The following OAS2 variants were observed in gnomAD, a reference collection of about 807,000 sequenced individuals.
OAS2 encodes the protein 2'-5'-oligoadenylate synthase 2.
Under a neutral mutation model 71.3 loss-of-function variants are expected in OAS2, and 67 were observed. The ratio of observed to expected loss-of-function variants is 0.94; its 90% CI spans 0.77 to 1.15. The LOEUF (loss-of-function observed/expected upper bound fraction) is 1.15, where lower values mean the gene tolerates loss of function less well. OAS2 is among the 50% of genes most tolerant of loss of function. The pLI is 0.00. For missense variants in OAS2, 789 were observed against 822.5 expected, an observed-to-expected ratio of 0.96 and a Z score of 0.50; for synonymous variants, 327 against 321.8, an observed-to-expected ratio of 1.02 and a Z score of -0.17.
chr12:113,000,375 A>G (rs916871060), intron 5 of OAS2, among the ~76,000 whole-genome samples: 1 of 152,146 alleles, frequency 6.6e-6, no homozygotes, highest in Non-Finnish European at 1.5e-5. Flanking sequence ...ATCAACTTCT[A>G]TTTTGAGAAC....
At position 112,997,525 on chromosome 12, in the gene OAS2, G is replaced by T; in HGVS notation, c.633G>T (p.Gln211His). ...LLIKHWHQQC[Q>H]KKIKDLPSLS... ...ACCCTTTCCTTATCCCACAGTGCCA[G>T]AAAAAAATCAAGGATTTACCCTCGC... The change falls in exon 4 of 10, where the codon CAG (glutamine) becomes CAT (histidine). Residue 211 changes from glutamine (Q) to histidine (H), a missense_variant. Gln to His is a conservative substitution (Grantham distance 24). Coordinates refer to ENST00000392583, the MANE Select transcript of OAS2 (RefSeq NM_002535.3). 6.2e-7 allele frequency: 1 copy of T among 1,613,338 alleles called. No homozygotes were observed. The highest frequency in any genetic ancestry group is 1.1e-5 in the South Asian group (1 of 90,936).
intron 2 of OAS2, among the ~76,000 whole-genome samples, chr12:112,994,108 C>T (rs1277666680): frequency 6.6e-6 from 1 of 152,120 alleles, no homozygotes; most frequent in Non-Finnish European, 1.5e-5. Flanking sequence ...AGAACTGAAA[C>T]TCACCAGTCA....
In OAS2 at chr12:113,009,078, C is replaced by T. The variant is rs778456308; in HGVS notation, c.1896-9C>T. 86 of 1,611,828 alleles carry T rather than the reference C, an allele frequency of 5.3e-5. No individual in the cohort carries two copies. Among genetic ancestry groups the T allele is most frequent in the Non-Finnish European group, 6.9e-5 (81 of 1,179,480 alleles). On this transcript the variant is annotated splice_polypyrimidine_tract_variant and intron_variant, in intron 9 of 9. Coordinates refer to ENST00000392583, the MANE Select transcript of OAS2 (RefSeq NM_002535.3). The stretch of plus-strand genomic sequence containing the variant: ...GGAATCTCCTAATGCCTTCTAACCT[C>T]TCATTCAGGCCTGTGATCTTGGACC...
chr12:112,981,916 A>G (rs111860351), intron 1 of OAS2, among the ~76,000 whole-genome samples: 3 of 152,294 alleles, frequency 2.0e-5, no homozygotes, highest in African/African-American at 7.2e-5. Context: ...TTTTCACTGT[A>G]GAGATCTTTC....
chr12:112,989,675 A>T (rs1031022013), intron 2 of OAS2, among the ~76,000 whole-genome samples: 2 of 152,198 alleles, frequency 1.3e-5, no homozygotes, highest in Non-Finnish European at 2.9e-5. Context: ...ATCAGACAAG[A>T]GCCTGTTCTA....
At chr12:113,005,918 C>CAACAACAACAAAAA (rs1555229554) in intron 7 of OAS2, among the ~76,000 whole-genome samples, 1 of 49,046 alleles carries the variant, frequency 2.0e-5, no homozygotes, top group Non-Finnish European at 3.5e-5. Flanking sequence ...ACAACAACAA[C>CAACAACAACAAAAA]AAAAAAAAAA....
At chr12:112,988,189 C>T in intron 2 of OAS2, 2 of 985,382 alleles carry the variant, frequency 2.0e-6, no homozygotes, top group Non-Finnish European at 2.4e-6. Context: ...CATTAATGAG[C>T]AGGTTTAGGT....
At chr12:113,008,990 C>T (rs755802541) in intron 9 of OAS2, 97 bp from the exon 10 acceptor site, 53 of 1,522,256 alleles carry the variant, frequency 3.5e-5, no homozygotes, top group Non-Finnish European at 4.6e-5. Flanking sequence ...GCTGTAAGAA[C>T]ACATTGTCTT....
At position 113,005,059 on chromosome 12, in the gene OAS2, C is replaced by A. The variant is rs1310725602; in HGVS notation, c.1305C>A (p.Ile435=). The change falls in exon 7 of 10, where the codon ATC becomes ATA. Residue 435 remains isoleucine, a synonymous_variant. Transcript: ENST00000392583. ...AGCGGCACAAAATCGTCAAGGAAAT[C>A]CATGAACAGCTGAAAGCCTTTTGGA... ...KNERHKIVKE[I]HEQLKAFWRE... 1 of 1,614,144 alleles carries A rather than the reference C, an allele frequency of 6.2e-7. No homozygotes were observed. Among genetic ancestry groups the A allele is most frequent in the South Asian group, 1.1e-5 (1 of 91,070 alleles).
At chr12:112,997,259 G>A (rs1001201846) in intron 3 of OAS2, among the ~76,000 whole-genome samples, 2 of 151,910 alleles carry the variant, frequency 1.3e-5, no homozygotes, top group Admixed American at 6.6e-5. Context: ...AATTTCCCTC[G>A]AAAGAACTCC....
chr12:112,986,465 G>A (rs1956919732), intron 1 of OAS2, among the ~76,000 whole-genome samples: 1 of 152,130 alleles, frequency 6.6e-6, no homozygotes, highest in South Asian at 2.1e-4. Context: ...TGGCAAGCTG[G>A]GTAGGCTGGT....
chr12:112,978,763 C>G lies in OAS2; in HGVS notation c.155C>G (p.Pro52Arg), dbSNP rs749303898. 1.9e-6 allele frequency: 3 copies of G among 1,613,858 alleles called. No homozygotes were observed. The highest frequency in any genetic ancestry group is 3.3e-5 in the Admixed American group (2 of 59,988). Residue 52 changes from proline (P) to arginine (R), a missense_variant, in exon 1 of 10, where the codon CCC becomes CGC. Transcript: ENST00000392583. The surrounding 1 kb of genome is among the most constrained non-coding windows in gnomAD (Gnocchi z 4.2). ...GTCCTGCAGGAACCCGAACAGTTCC[C>G]CCTGGTGCAGGGAGTGGCCATAGTG... ...CDVLQEPEQF[P>R]LVQGVAIGGS...
In OAS2 at chr12:112,987,053, C is replaced by T. The variant is rs150169230; in HGVS notation, c.193C>T (p.Arg65Trp). The T allele has an allele frequency of 1.9e-4, 301 of 1,611,006 alleles. 1 individual carries two copies. Among genetic ancestry groups the T allele is most frequent in the South Asian group, 1.5e-3 (136 of 90,930 alleles). ...TCACTGGCAGGGTGGCTCCTATGGA[C>T]GGAAAACAGTCTTAAGAGGCAACTC... ...QGVAIGGSYG[R>W]KTVLRGNSDG... Residue 65 changes from arginine to tryptophan, a missense_variant, in exon 2 of 10, where the codon CGG becomes TGG. Coordinates refer to ENST00000392583, the MANE Select transcript of OAS2 (RefSeq NM_002535.3).
chr12:112,998,945 G>A (rs1301500978), intron 5 of OAS2, among the ~76,000 whole-genome samples: 2 of 152,184 alleles, frequency 1.3e-5, no homozygotes, highest in Admixed American at 1.3e-4. Flanking sequence ...GGGAGACACA[G>A]TTCAACCCAT....
At chr12:112,979,787 C>G (rs2136373137) in intron 1 of OAS2, among the ~76,000 whole-genome samples, 1 of 152,278 alleles carries the variant, frequency 6.6e-6, no homozygotes, top group East Asian at 1.9e-4. Context: ...CCTCCAAACC[C>G]AGGTAGGCAA....
intron 1 of OAS2, among the ~76,000 whole-genome samples, chr12:112,980,306 A>C (rs2044067940): frequency 6.6e-6 from 1 of 152,302 alleles, no homozygotes. Context: ...AATTATTGTT[A>C]ACTATAGTCA....
chr12:112,993,332 G>C (rs2044207878), intron 2 of OAS2, among the ~76,000 whole-genome samples: 1 of 152,146 alleles, frequency 6.6e-6, no homozygotes, highest in Non-Finnish European at 1.5e-5. Context: ...ATCCTCATCT[G>C]TAAATTAGTA....
In OAS2 at chr12:113,009,663, G is replaced by T. The variant is rs1173547439; in HGVS notation, c.*408G>T. ...TCCAGATGGCAGGTTTGCAATCCAA[G>T]CAGGAAGAAGGAAAAGATACCCAAA... On this transcript the variant is annotated 3_prime_UTR_variant, in exon 10 of 10. Coordinates refer to ENST00000392583, the MANE Select transcript of OAS2 (RefSeq NM_002535.3). 1.0e-6 allele frequency: 1 copy of T among 990,696 alleles called. No individual in the cohort carries two copies. Among genetic ancestry groups the T allele is most frequent in the Non-Finnish European group, 1.2e-6 (1 of 833,826 alleles). The allele number at this position is 990,696 out of a possible 1,614,324, so 61.4% of individuals were successfully genotyped here. A position where few individuals can be genotyped will look rare whatever the true frequency, so the allele number is the denominator to read the frequency against.
chr12:113,010,090 G>A lies in OAS2; in HGVS notation c.*835G>A. On this transcript the variant is annotated 3_prime_UTR_variant, in exon 10 of 10. Transcript: ENST00000392583. ...TGCCACCCAGTTGTGACAATTAAAA[G>A]TGTCTTGAGACTTTATCATGTGTCT... 9.2e-7 allele frequency: 1 copy of A among 1,087,668 alleles called. No homozygotes were observed. Among genetic ancestry groups the A allele is most frequent in the Non-Finnish European group, 1.1e-6 (1 of 895,364 alleles). 67.4% of individuals were successfully genotyped at this position (1,087,668 alleles called of 1,614,324 possible). A position where few individuals can be genotyped will look rare whatever the true frequency, so the allele number is the denominator to read the frequency against.
Sources: gnomAD v4.1 joint callset for allele counts (sites outside exome capture counted in the v4.1 genomes callset) on GRCh38, gnomAD v4.1.1 for gene constraint, Gnocchi (gnomAD v3.1) non-coding constraint, MANE v1.5 for transcripts, NCBI Gene and HGNC (gene_info 2026-07-23, HGNC 2026-07-21) for gene names.